The following MED1 variants were observed in gnomAD, a reference collection of about 807,000 sequenced individuals.
The protein encoded by MED1 is mediator of RNA polymerase II transcription subunit 1.
A neutral mutation model predicts 121.3 loss-of-function variants in MED1; 17 were observed. The ratio of observed to expected loss-of-function variants is 0.14; its 90% CI spans 0.10 to 0.21. The LOEUF (loss-of-function observed/expected upper bound fraction) is 0.21. MED1 is among the 10% of genes least tolerant of loss of function. MED1 has a pLI of 1.00. For synonymous variants in MED1, 661 were observed against 694.4 expected, an observed-to-expected ratio of 0.95 and a Z score of 0.76; for missense variants, 1,558 against 1,919.4, an observed-to-expected ratio of 0.81 and a Z score of 3.52.
chr17:39,435,235 G>A (rs574684655), intron 6 of MED1, among the ~76,000 whole-genome samples: 1 of 152,132 alleles, frequency 6.6e-6, no homozygotes, highest in Non-Finnish European at 1.5e-5. Context: ...GCAAAGATGA[G>A]AGGGAAAACA....
chr17:39,411,189 C>T (rs1487212942), intron 16 of MED1, among the ~76,000 whole-genome samples: 15 of 151,928 alleles, frequency 9.9e-5, no homozygotes, highest in Admixed American at 7.9e-4. Context: ...CGTGGTGGCG[C>T]GTGCCTGTAA....
At chr17:39,416,915 A>G (rs959212897) in intron 14 of MED1, among the ~76,000 whole-genome samples, 1 of 152,202 alleles carries the variant, frequency 6.6e-6, no homozygotes, top group Non-Finnish European at 1.5e-5. Flanking sequence ...GTGCATGCCT[A>G]TAGTCCAGCG....
At position 39,408,243 on chromosome 17, in the gene MED1, G is replaced by A. The variant is rs569240327; in HGVS notation, c.3978C>T (p.Asp1326=). The A allele has an allele frequency of 1.5e-5, 25 of 1,613,954 alleles. No homozygotes were observed. The highest frequency in any genetic ancestry group is 2.7e-5 in the African/African-American group (2 of 74,914). The change falls in exon 17 of 17, where the codon GAC becomes GAT. Residue 1326 remains aspartate, a synonymous_variant. Transcript: ENST00000300651. The surrounding 1 kb of genome is among the most constrained non-coding windows in gnomAD (Gnocchi z 4.7). ...TSGPGGEDPL[D]GQMGVSTNSS... is the part of the protein sequence containing the mutation. ...AATTTGTGCTCACCCCCATCTGGCC[G>A]TCCAGTGGGTCTTCACCCCCAGGGC...
intron 13 of MED1, among the ~76,000 whole-genome samples, chr17:39,422,668 G>A (rs978825516): frequency 6.6e-6 from 1 of 151,024 alleles, no homozygotes; most frequent in Admixed American, 6.6e-5. Context: ...TAGAGACGGG[G>A]TTTCACCATG....
At chr17:39,434,409 GCTATA>G (rs1403002102) in intron 6 of MED1, 89 bp from the exon 7 acceptor site, 2 of 658,820 alleles carry the variant, frequency 3.0e-6, no homozygotes, top group Non-Finnish European at 5.1e-6. Context: ...AAAAATCACA[GCTATA>G]TAAAACTGAT....
At chr17:39,420,920 C>G (rs2048457410) in intron 13 of MED1, among the ~76,000 whole-genome samples, 1 of 150,982 alleles carries the variant, frequency 6.6e-6, no homozygotes, top group South Asian at 2.1e-4. Context: ...CTCAGCCTCC[C>G]AAGTAGCTGG....
chr17:39,434,106 T>C, intron 7 of MED1, 143 bp downstream of exon 7: 1 of 577,818 alleles, frequency 1.7e-6, no homozygotes, highest in South Asian at 2.3e-5. Context: ...GGCCCAATGT[T>C]GGAAGCTGAG....
intron 16 of MED1, among the ~76,000 whole-genome samples, chr17:39,413,588 G>A (rs2048376011): frequency 6.6e-6 from 1 of 152,016 alleles, no homozygotes; most frequent in South Asian, 2.1e-4. Flanking sequence ...AATCTGCTCA[G>A]GCAGACACAG....
intron 6 of MED1, among the ~76,000 whole-genome samples, chr17:39,438,212 C>T (rs1270526567): frequency 1.3e-5 from 2 of 151,362 alleles, no homozygotes; most frequent in African/African-American, 2.4e-5. Flanking sequence ...TGCTCTGTCA[C>T]CCAGGCTGGA....
chr17:39,449,900 C>G (rs1343579415), intron 1 of MED1, among the ~76,000 whole-genome samples: 1 of 149,490 alleles, frequency 6.7e-6, no homozygotes, highest in Non-Finnish European at 1.5e-5. Flanking sequence ...CCACAACCTC[C>G]ACCTCCTGGG....
intron 13 of MED1, among the ~76,000 whole-genome samples, chr17:39,420,196 TC>T (rs2048447738): frequency 1.3e-5 from 2 of 148,432 alleles, no homozygotes; most frequent in East Asian, 2.0e-4. Context: ...ATGCAAAATC[TC>T]TTTTTTTTTT....
At position 39,424,624 on chromosome 17, in the gene MED1, T is replaced by C; in HGVS notation, c.851+3A>G. ...TGCTACTCTAAAATTATATTTAACT[T>C]ACCATTTATTGTCAACTGGATGTGA... On this transcript the variant is annotated splice_donor_region_variant and intron_variant, in intron 11 of 16. Coordinates refer to ENST00000300651, the MANE Select transcript of MED1 (RefSeq NM_004774.4). The C allele has an allele frequency of 6.4e-7, 1 of 1,554,332 alleles. No individual in the cohort carries two copies. Among genetic ancestry groups the C allele is most frequent in the Non-Finnish European group, 8.8e-7 (1 of 1,135,898 alleles).
At chr17:39,443,379 GT>G (rs1361252679) in intron 3 of MED1, among the ~76,000 whole-genome samples, 170 bp downstream of exon 3, 2 of 152,084 alleles carry the variant, frequency 1.3e-5, no homozygotes, top group African/African-American at 4.8e-5. Flanking sequence ...AAAAATAAAT[GT>G]TTCAAACTTT....
intron 6 of MED1, among the ~76,000 whole-genome samples, chr17:39,435,681 A>G (rs560976006): frequency 3.7e-4 from 57 of 152,144 alleles, no homozygotes; most frequent in Admixed American, 1.3e-3. Context: ...GGTAAAAGTC[A>G]ACATTATTTC....
At chr17:39,437,048 T>C (rs2048625917) in intron 6 of MED1, among the ~76,000 whole-genome samples, 1 of 152,038 alleles carries the variant, frequency 6.6e-6, no homozygotes. Context: ...TTCTCTTGCC[T>C]CAGCCTCCCA....
chr17:39,419,356 G>T (rs561320930), intron 14 of MED1, among the ~76,000 whole-genome samples: 2 of 151,882 alleles, frequency 1.3e-5, no homozygotes, highest in East Asian at 3.9e-4. Context: ...GATTACAGGC[G>T]TGAGCCACCA....
rs914093456 is a variant in MED1 at position 39,407,077 on chromosome 17, A to G, written c.*398T>C. 1.0e-5 allele frequency: 10 copies of G among 991,810 alleles called. No individual in the cohort carries two copies. In the African/African-American group the frequency reaches 1.7e-4, roughly 17 times the overall value. 61.4% of individuals were successfully genotyped at this position (991,810 alleles called of 1,614,324 possible). A position where few individuals can be genotyped will look rare whatever the true frequency, so the allele number is the denominator to read the frequency against. On this transcript the variant is annotated 3_prime_UTR_variant, in exon 17 of 17. Transcript: ENST00000300651. Reference sequence around the variant, plus strand: ...TGTATTGCTTTTTCATTTTCTGCCCAGCCCTTCATATACATGCACTAAAAT... The same window carrying G: ...TGTATTGCTTTTTCATTTTCTGCCCGGCCCTTCATATACATGCACTAAAAT...
At chr17:39,442,636 G>A (rs1238449089) in intron 3 of MED1, among the ~76,000 whole-genome samples, 1 of 145,896 alleles carries the variant, frequency 6.9e-6, no homozygotes, top group Non-Finnish European at 1.5e-5. Flanking sequence ...GCGAGTTGCT[G>A]TGGCTCGCGC....
At chr17:39,439,971 AAAG>A (rs1300431940) in intron 5 of MED1, among the ~76,000 whole-genome samples, 6 of 132,926 alleles carry the variant, frequency 4.5e-5, no homozygotes, top group Non-Finnish European at 8.0e-5. Context: ...AGAAGGAAAG[AAAG>A]AAAGAAAGAA....
Sources: gnomAD v4.1 joint callset for allele counts (sites outside exome capture counted in the v4.1 genomes callset) on GRCh38, gnomAD v4.1.1 for gene constraint, Gnocchi (gnomAD v3.1) non-coding constraint, MANE v1.5 for transcripts, NCBI Gene and HGNC (gene_info 2026-07-23, HGNC 2026-07-21) for gene names.